Variants in SUPT7L observed in about 807,000 individuals in gnomAD.
SUPT7L encodes the protein STAGA complex 65 subunit gamma.
In SUPT7L, 15 loss-of-function variants were observed where a neutral mutation model predicts 35.7. The ratio of observed to expected loss-of-function variants is 0.42; its 90% CI spans 0.28 to 0.65. SUPT7L has a LOEUF of 0.65. Ranked by LOEUF, SUPT7L falls within the 30% of genes least tolerant of loss-of-function variation. SUPT7L has a pLI of 0.23. For synonymous variants in SUPT7L, 168 were observed against 186.2 expected, an observed-to-expected ratio of 0.90 and a Z score of 0.79; for missense variants, 434 against 522.2, an observed-to-expected ratio of 0.83 and a Z score of 1.65.
the SUPT7L span, among the ~76,000 whole-genome samples, chr2:27,644,942 C>T: frequency 0.057 from 8,686 of 151,780 alleles, 686 homozygotes; most frequent in African/African-American, 0.18. Flanking sequence ...CTTGAGTATA[C>T]TTCTATATTA....
chr2:27,663,156 A>G (rs1294656928), intron 1 of SUPT7L, among the ~76,000 whole-genome samples, 173 bp downstream of exon 1: 2 of 152,078 alleles, frequency 1.3e-5, no homozygotes, highest in Admixed American at 6.5e-5. Flanking sequence ...CATTTTTCAG[A>G]GTGAGGGCTG....
downstream of SUPT7L, among the ~76,000 whole-genome samples, chr2:27,647,143 A>G (rs1674274227): frequency 6.6e-6 from 1 of 152,164 alleles, no homozygotes; most frequent in South Asian, 2.1e-4. Flanking sequence ...GATTTGTGCC[A>G]GTTGATGTTG....
rs1675218753 is a variant in SUPT7L, at chr2:27,663,459, C to A, written c.-220G>T. 2.8e-6 allele frequency: 1 copy of A among 357,422 alleles called. No homozygotes were observed. Among genetic ancestry groups the A allele is most frequent in the Admixed American group, 4.3e-5 (1 of 23,186 alleles). The allele number at this position is 357,422 out of a possible 1,614,324, so 22.1% of individuals were successfully genotyped here. ...GAGGTCGCCTGACGTTCAGGGCAGC[C>A]GGAAGACGGGGAGGTCTGGACCTGA... On this transcript the variant is annotated 5_prime_UTR_variant, in exon 1 of 6. Coordinates refer to ENST00000337768, the MANE Select transcript of SUPT7L (RefSeq NM_014860.3).
Position 27,651,629 on chromosome 2 carries a change from GA to G in SUPT7L, c.*1855del, listed in dbSNP as rs1275255834. 2.0e-5 allele frequency: 3 copies of G among 152,194 alleles called. No individual in the cohort carries two copies. Among genetic ancestry groups the G allele is most frequent in the Admixed American group, 6.5e-5 (1 of 15,278 alleles). 9.4% of individuals were successfully genotyped at this position (152,194 alleles called of 1,614,324 possible). A position where few individuals can be genotyped will look rare whatever the true frequency, so the allele number is the denominator to read the frequency against. ...CTTGGTTTTTCTCTGTAGTACTTTT[GA>G]ATGCTTTATCTTCCTTACAGAATAA... On this transcript the variant is annotated 3_prime_UTR_variant, in exon 6 of 6. Coordinates refer to ENST00000337768, the MANE Select transcript of SUPT7L (RefSeq NM_014860.3).
At position 27,653,551 on chromosome 2, in the gene SUPT7L, A is replaced by G. The variant is rs548843931; in HGVS notation, c.1179T>C (p.Thr393=). ...CAGGGGAGGACCCCATGAGGCTGTC[A>G]GTGGAGTGGGAACCATAGCTGCTAT... is the stretch of plus-strand genomic sequence containing the variant. ...DSDSSYGSHS[T]DSLMGSSPVF... The change falls in exon 6 of 6, where the codon ACT becomes ACC. Residue 393 remains threonine, a synonymous_variant. Coordinates refer to ENST00000337768, the MANE Select transcript of SUPT7L (RefSeq NM_014860.3). The G allele has an allele frequency of 5.6e-6, 9 of 1,614,196 alleles. No individual in the cohort carries two copies. The African/African-American group carries it at 1.1e-4, about 19-fold the overall frequency.
chr2:27,662,407 C>A (rs1283284903), intron 1 of SUPT7L, 126 bp from the exon 2 acceptor site: 2 of 537,120 alleles, frequency 3.7e-6, no homozygotes, highest in African/African-American at 3.8e-5. Flanking sequence ...GAAATGACTA[C>A]CTTTGTTCTA....
At chr2:27,662,626 G>T (rs1407697862) in intron 1 of SUPT7L, among the ~76,000 whole-genome samples, 4 of 152,184 alleles carry the variant, frequency 2.6e-5, no homozygotes, top group Non-Finnish European at 5.9e-5. Context: ...GCAAGTCTAT[G>T]TCACAGCAGT....
intron 3 of SUPT7L, 27 bp downstream of exon 3, chr2:27,660,957 G>A (rs1228906627): frequency 6.3e-6 from 10 of 1,596,372 alleles, no homozygotes; most frequent in Non-Finnish European, 8.6e-6. Context: ...CTTGAGAAAA[G>A]TAAGATACAG....
Position 27,655,456 on chromosome 2 carries a change from A to G in SUPT7L, c.891T>C (p.Ser297=), listed in dbSNP as rs201714205. The G allele has an allele frequency of 1.9e-6, 3 of 1,614,152 alleles. No individual in the cohort carries two copies. In the Admixed American group the frequency reaches 5.0e-5, roughly 27 times the overall value. ...CTCCCATAGGCAGTGACTGGTCTCC[A>G]GAAGCAAGGTCAGCCTCCAGCTCCT... The part of the protein sequence containing the change: ...VSEELEADLA[S]GDQSLPMGVL... Residue 297 remains serine, a synonymous_variant, in exon 5 of 6, where the codon TCT becomes TCC. Coordinates refer to ENST00000337768, the MANE Select transcript of SUPT7L (RefSeq NM_014860.3).
Position 27,661,372 on chromosome 2 carries a change from G to C in SUPT7L, c.31C>G (p.Pro11Ala), listed in dbSNP as rs771243712. ...CTGTTGGTCTGGCTTGATGATATTG[G>C]TATCTCTCCCCAGTATCTCAACATT... MNLQRYWGEI[P>A]ISSSQTNRSS... The change falls in exon 3 of 6, where the codon CCA (proline) becomes GCA (alanine). Residue 11 changes from proline (P) to alanine (A), a missense_variant. Coordinates refer to ENST00000337768, the MANE Select transcript of SUPT7L (RefSeq NM_014860.3). The C allele has an allele frequency of 6.2e-7, 1 of 1,613,810 alleles. No homozygotes were observed. The highest frequency in any genetic ancestry group is 1.7e-5 in the Admixed American group (1 of 60,002).
In SUPT7L at chr2:27,657,631, G is replaced by C. The variant is rs753603294; in HGVS notation, c.458C>G (p.Ser153Cys). ...GEPVTELSWHSCRQLLYQAVA... is the reference protein window; with the variant it reads ...GEPVTELSWHCCRQLLYQAVA... ...TGCCTGGTAGAGGAGCTGCCGACAG[G>C]AGTGCCAGCTGAGTTCAGTCACAGG... Residue 153 changes from serine to cysteine, a missense_variant, in exon 4 of 6, where the codon TCC becomes TGC. Transcript: ENST00000337768. The surrounding 1 kb of genome is among the most constrained non-coding windows in gnomAD (Gnocchi z 5.2). 47 of 1,613,922 alleles carry C rather than the reference G, an allele frequency of 2.9e-5. No individual in the cohort carries two copies. The highest frequency in any genetic ancestry group is 3.8e-5 in the Non-Finnish European group (45 of 1,179,930).
chr2:27,645,185 G>T, the SUPT7L span, among the ~76,000 whole-genome samples: 1 of 152,110 alleles, frequency 6.6e-6, no homozygotes, highest in Non-Finnish European at 1.5e-5. Context: ...TGCCCAGGCT[G>T]GTCTTGAACT....
At chr2:27,644,122 C>G in the SUPT7L span, among the ~76,000 whole-genome samples, 1 of 152,162 alleles carries the variant, frequency 6.6e-6, no homozygotes, top group Admixed American at 6.5e-5. Context: ...TTGCAGTGAG[C>G]AAAGATCGCG....
chr2:27,661,295 G>A lies in SUPT7L; in HGVS notation c.108C>T (p.Asp36=). Reference sequence around the variant, plus strand: ...TGGCTGAGGGTTGGTGCAGGGGTGGGTCATGGACTTCCACCAGACGGAACT... The same window carrying A: ...TGGCTGAGGGTTGGTGCAGGGGTGGATCATGGACTTCCACCAGACGGAACT... ...PREFRLVEVH[D]PPLHQPSANK... The change falls in exon 3 of 6, where the codon GAC becomes GAT. Residue 36 remains aspartate (D), a synonymous_variant. Coordinates refer to ENST00000337768, the MANE Select transcript of SUPT7L (RefSeq NM_014860.3). 6.2e-7 allele frequency: 1 copy of A among 1,613,858 alleles called. No individual in the cohort carries two copies. The highest frequency in any genetic ancestry group is 8.5e-7 in the Non-Finnish European group (1 of 1,179,880).
At chr2:27,649,629 G>A (rs551442078), downstream of SUPT7L, among the ~76,000 whole-genome samples, 206 of 152,092 alleles carry the variant, frequency 1.4e-3, no homozygotes, top group African/African-American at 4.8e-3. Context: ...TAGAATCACA[G>A]TATTTAGCCT....
intron 3 of SUPT7L, among the ~76,000 whole-genome samples, chr2:27,660,193 A>G (rs1386313782): frequency 1.3e-5 from 2 of 151,968 alleles, no homozygotes; most frequent in Admixed American, 6.6e-5. Flanking sequence ...TGGACCAGAT[A>G]TTGAGTAGCA....
intron 3 of SUPT7L, 55 bp downstream of exon 3, chr2:27,660,929 G>A: frequency 3.2e-6 from 5 of 1,554,946 alleles, no homozygotes; most frequent in African/African-American, 1.4e-5. Flanking sequence ...AGGCTTAACA[G>A]GGTTGTTGGG....
At chr2:27,643,403 T>G in the SUPT7L span, among the ~76,000 whole-genome samples, 1 of 152,076 alleles carries the variant, frequency 6.6e-6, no homozygotes, top group African/African-American at 2.4e-5. The surrounding 1 kb of genome is among the most constrained non-coding windows in gnomAD (Gnocchi z 4.0). Context: ...GATATAATAC[T>G]CTTTTACCTT....
the SUPT7L span, among the ~76,000 whole-genome samples, chr2:27,642,792 T>C: frequency 0.057 from 8,678 of 151,982 alleles, 687 homozygotes; most frequent in African/African-American, 0.18. Context: ...CTCGAACTCC[T>C]GACCTCAGAT....
Sources: allele counts gnomAD v4.1 joint callset (sites outside exome capture counted in the v4.1 genomes callset), GRCh38; gene constraint gnomAD v4.1.1; non-coding constraint Gnocchi (gnomAD v3.1); transcripts MANE v1.5; gene names NCBI Gene and HGNC (gene_info 2026-07-23, HGNC 2026-07-21).